EBAG9: variants seen among roughly 807,000 people sequenced by gnomAD.
EBAG9 encodes estrogen receptor binding site associated antigen 9.
A neutral mutation model predicts 30.9 loss-of-function variants in EBAG9; 16 were observed. The observed-to-expected ratio is 0.52, with a 90% CI of 0.35 to 0.79. The LOEUF is 0.79. Among genes scored for constraint, EBAG9 ranks in the 30% least tolerant of loss-of-function variants. The pLI is 0.01. For missense variants in EBAG9, 197 were observed against 242.1 expected (o/e 0.81, Z 1.24); for synonymous variants, 93 against 82.8 (o/e 1.12, Z -0.67).
rs1004532281 is a variant in EBAG9, at chr8:109,565,393, T to C, written c.*834T>C. On this transcript the variant is annotated 3_prime_UTR_variant, in exon 7 of 7. Coordinates refer to ENST00000337573, the MANE Select transcript of EBAG9 (RefSeq NM_004215.5). ...CTCCCAAAAGCCATTAATTTACAAA[T>C]GCTTAAAGCCATCAGGTCAAATATT... The C allele has an allele frequency of 1.3e-5, 2 of 152,086 alleles. No individual in the cohort carries two copies. The highest frequency in any genetic ancestry group is 2.4e-5 in the African/African-American group (1 of 41,460). The allele number at this position is 152,086 out of a possible 1,614,324, so 9.4% of individuals were successfully genotyped here.
At chr8:109,561,267 G>T (rs1487367270) in intron 6 of EBAG9, among the ~76,000 whole-genome samples, 1 of 151,180 alleles carries the variant, frequency 6.6e-6, no homozygotes, top group Non-Finnish European at 1.5e-5. Context: ...TTACAAGCTT[G>T]ATATTCCTCT....
Position 109,565,176 on chromosome 8 carries a change from CATT to C in EBAG9, c.*621_*623del, listed in dbSNP as rs758251748. ...TACTTATCATAAACATTTTGTACAT[CATT>C]ATTTTCTTTTGGATTAGTGTTGTCA... is the stretch of plus-strand genomic sequence containing the variant. On this transcript the variant is annotated 3_prime_UTR_variant, in exon 7 of 7. Transcript: ENST00000337573. 8.1e-5 allele frequency: 12 copies of C among 148,248 alleles called. No individual in the cohort carries two copies. Among genetic ancestry groups the C allele is most frequent in the African/African-American group, 8.0e-5 (3 of 37,408 alleles). 9.2% of individuals were successfully genotyped at this position (148,248 alleles called of 1,614,324 possible).
At chr8:109,544,043 A>G (rs1228057622) in intron 1 of EBAG9, among the ~76,000 whole-genome samples, 1 of 151,942 alleles carries the variant, frequency 6.6e-6, no homozygotes, top group East Asian at 1.9e-4. Flanking sequence ...TAAAAAAAAA[A>G]AAAAAAAAAA....
At chr8:109,563,149 CA>C (rs1385794549) in intron 6 of EBAG9, among the ~76,000 whole-genome samples, 1 of 151,870 alleles carries the variant, frequency 6.6e-6, no homozygotes, top group African/African-American at 2.4e-5. Flanking sequence ...AAAATGTTGC[CA>C]AAAATAGTTT....
chr8:109,551,798 A>G (rs1821499834), intron 2 of EBAG9, among the ~76,000 whole-genome samples: 1 of 152,230 alleles, frequency 6.6e-6, no homozygotes, highest in African/African-American at 2.4e-5. Context: ...ATTCTAAGGC[A>G]TAAGAAGCTG....
intron 1 of EBAG9, among the ~76,000 whole-genome samples, chr8:109,543,118 T>TTTTTAATA (rs1821310040): frequency 6.6e-6 from 1 of 150,742 alleles, no homozygotes; most frequent in Admixed American, 6.6e-5. Flanking sequence ...TCGAGTACAA[T>TTTTTAATA]TTTTAATATT....
intron 1 of EBAG9, among the ~76,000 whole-genome samples, chr8:109,545,195 A>T (rs1490786974): frequency 6.6e-6 from 1 of 150,998 alleles, no homozygotes; most frequent in African/African-American, 2.4e-5. Flanking sequence ...GGTGGCAGGC[A>T]CCTGTGGTCC....
chr8:109,543,135 CTT>C lies in EBAG9; in HGVS notation c.-16+2704_-16+2705del, dbSNP rs557388998. Among the ~76,000 whole-genome samples the C allele has an allele frequency of 9.1e-3, 483 of 52,816 alleles. 1 individual carries two copies. The highest frequency in any genetic ancestry group is 0.027 in the Middle Eastern group (2 of 74). 34.6% of individuals were successfully genotyped at this position (52,816 alleles called of 152,430 possible). ...GAGTACAATTTTTAATATTCTGGTTCTTTTTTTTTTTTTTTTTTTTTTTTTTT... is the reference window on the plus strand; with the variant it reads ...GAGTACAATTTTTAATATTCTGGTTCTTTTTTTTTTTTTTTTTTTTTTTTT... On this transcript the variant is annotated intron_variant, in intron 1 of 6. Coordinates refer to ENST00000337573, the MANE Select transcript of EBAG9 (RefSeq NM_004215.5).
At chr8:109,542,921 A>G (rs1197513857) in intron 1 of EBAG9, among the ~76,000 whole-genome samples, 1 of 152,146 alleles carries the variant, frequency 6.6e-6, no homozygotes, top group African/African-American at 2.4e-5. Flanking sequence ...AGCAAGAGGT[A>G]GTAAAGGCTT....
chr8:109,557,168 A>T, intron 5 of EBAG9, 126 bp downstream of exon 5: 1 of 508,534 alleles, frequency 2.0e-6, no homozygotes, highest in Non-Finnish European at 3.3e-6. Context: ...CAGGTTTAGC[A>T]GTTTGATAGA....
At chr8:109,559,672 A>G (rs1190964847) in intron 5 of EBAG9, among the ~76,000 whole-genome samples, 2 of 151,810 alleles carry the variant, frequency 1.3e-5, no homozygotes, top group Non-Finnish European at 2.9e-5. Context: ...ACAATCAGCC[A>G]GGTGTGGTGG....
chr8:109,561,484 T>G (rs186324666), intron 6 of EBAG9, among the ~76,000 whole-genome samples: 2 of 152,204 alleles, frequency 1.3e-5, no homozygotes, highest in African/African-American at 2.4e-5. Context: ...TTTTATTGGT[T>G]GTTCTTTTTT....
At chr8:109,556,581 T>C (rs971565593) in intron 4 of EBAG9, among the ~76,000 whole-genome samples, 2 of 152,156 alleles carry the variant, frequency 1.3e-5, no homozygotes, top group Admixed American at 6.6e-5. Flanking sequence ...TATTCATAGG[T>C]ATCTCACATG....
intron 5 of EBAG9, 42 bp downstream of exon 5, chr8:109,557,084 T>G: frequency 2.3e-6 from 3 of 1,297,364 alleles, no homozygotes; most frequent in Non-Finnish European, 3.2e-6. Flanking sequence ...TTGTTGTATT[T>G]CTGTTTTCTT....
chr8:109,557,065 G>T (rs1199033622), intron 5 of EBAG9, 23 bp downstream of exon 5: 1 of 1,461,692 alleles, frequency 6.8e-7, no homozygotes, highest in South Asian at 1.3e-5. Context: ...ATGGTTCTAG[G>T]GAAGGGTTTT....
chr8:109,560,743 G>A, intron 5 of EBAG9, 95 bp from the exon 6 acceptor site: 1 of 825,608 alleles, frequency 1.2e-6, no homozygotes, highest in Non-Finnish European at 2.0e-6. Context: ...AGAATGACAG[G>A]TTCTGAGTTA....
intron 5 of EBAG9, among the ~76,000 whole-genome samples, chr8:109,558,309 C>A (rs772327766): frequency 2.6e-5 from 4 of 151,958 alleles, no homozygotes; most frequent in Non-Finnish European, 5.9e-5. Flanking sequence ...GTAGGGGAGA[C>A]ATGATATTAA....
chr8:109,542,722 G>A (rs905594986), intron 1 of EBAG9, among the ~76,000 whole-genome samples: 1 of 152,110 alleles, frequency 6.6e-6, no homozygotes, highest in Non-Finnish European at 1.5e-5. Flanking sequence ...TACTCATAAT[G>A]AAGCAATCAA....
At chr8:109,545,688 A>G (rs538636879) in intron 1 of EBAG9, among the ~76,000 whole-genome samples, 87 of 152,196 alleles carry the variant, frequency 5.7e-4, no homozygotes, top group Non-Finnish European at 1.0e-3. Context: ...TAGAATCTTT[A>G]TTCCTATCAT....
Sources: gnomAD v4.1 joint callset for allele counts (sites outside exome capture counted in the v4.1 genomes callset) on GRCh38, gnomAD v4.1.1 for gene constraint, MANE v1.5 for transcripts, NCBI Gene and HGNC (gene_info 2026-07-23, HGNC 2026-07-21) for gene names.